TTBK2: variants seen among roughly 807,000 people sequenced by gnomAD.
TTBK2 encodes the protein tau-tubulin kinase 2.
A neutral mutation model predicts 110.8 loss-of-function variants in TTBK2; 28 were observed. The ratio of observed to expected loss-of-function variants is 0.25; its 90% CI spans 0.19 to 0.35. TTBK2 has a LOEUF of 0.35. Among genes scored for constraint, TTBK2 ranks in the 10% least tolerant of loss-of-function variants. The pLI is 1.00. For missense variants in TTBK2, 1,369 were observed against 1,500.3 expected (o/e 0.91, Z 1.45); for synonymous variants, 532 against 527.3 (o/e 1.01, Z -0.12).
At chr15:42,877,161 G>A (rs996595224) in intron 2 of TTBK2, among the ~76,000 whole-genome samples, 15 of 152,164 alleles carry the variant, frequency 9.9e-5, no homozygotes, top group Non-Finnish European at 2.1e-4. Context: ...AATGAATTAT[G>A]GAATATCACC....
intron 6 of TTBK2, among the ~76,000 whole-genome samples, chr15:42,818,967 C>G (rs945719755): frequency 6.6e-6 from 1 of 150,732 alleles, no homozygotes; most frequent in African/African-American, 2.4e-5. Context: ...AACATTGTCT[C>G]CATTCTACTG....
At chr15:42,851,679 T>C (rs1893719271) in intron 3 of TTBK2, among the ~76,000 whole-genome samples, 1 of 152,092 alleles carries the variant, frequency 6.6e-6, no homozygotes, top group African/African-American at 2.4e-5. Context: ...TATGATTTTC[T>C]ATATGTGTGC....
chr15:42,894,514 G>T (rs1895588870), intron 1 of TTBK2, among the ~76,000 whole-genome samples: 1 of 152,170 alleles, frequency 6.6e-6, no homozygotes, highest in Non-Finnish European at 1.5e-5. Context: ...TACTGTGGGA[G>T]GCGAAGGCGG....
chr15:42,842,806 A>G (rs2141021419), intron 3 of TTBK2, among the ~76,000 whole-genome samples: 1 of 152,032 alleles, frequency 6.6e-6, no homozygotes, highest in Non-Finnish European at 1.5e-5. Context: ...GTTTTTGTTT[A>G]TAAAGGGGGT....
intron 10 of TTBK2, among the ~76,000 whole-genome samples, chr15:42,785,025 G>A (rs775146183): frequency 2.9e-4 from 44 of 151,744 alleles, no homozygotes; most frequent in Non-Finnish European, 8.8e-5. Flanking sequence ...ATCAACTTTC[G>A]CAGTGCCATA....
chr15:42,850,513 AG>A (rs1216563588), intron 3 of TTBK2, among the ~76,000 whole-genome samples: 1 of 152,198 alleles, frequency 6.6e-6, no homozygotes, highest in Non-Finnish European at 1.5e-5. Context: ...AGCTGCATTC[AG>A]TGGGAGAGAC....
chr15:42,776,462 G>A (rs998881288), intron 12 of TTBK2, among the ~76,000 whole-genome samples: 1 of 152,146 alleles, frequency 6.6e-6, no homozygotes, highest in African/African-American at 2.4e-5. Context: ...CTTTACCTAT[G>A]TATATAGATC....
At chr15:42,916,972 G>T (rs2031113878) in intron 1 of TTBK2, among the ~76,000 whole-genome samples, 1 of 152,056 alleles carries the variant, frequency 6.6e-6, no homozygotes, top group Non-Finnish European at 1.5e-5. Context: ...TTTCAATAAA[G>T]ATGTTAATTC....
In TTBK2 at chr15:42,794,636, G is replaced by T. The variant is rs143836514; in HGVS notation, c.980+8C>A. ...AAGACACCACCAAATGATCTGTTTA[G>T]GACATACCCAATTGCAGCAGGGGTC... On this transcript the variant is annotated splice_region_variant and intron_variant, in intron 10 of 14. Coordinates refer to ENST00000267890, the MANE Select transcript of TTBK2 (RefSeq NM_173500.4). The T allele has an allele frequency of 8.6e-4, 1,395 of 1,614,118 alleles. 3 individuals carry two copies. In the African/African-American group the frequency reaches 0.015, roughly 17 times the overall value.
In TTBK2 at chr15:42,872,588, TG is replaced by T. The variant is rs759917736; in HGVS notation, c.217+22del. On this transcript the variant is annotated intron_variant, in intron 3 of 14. Coordinates refer to ENST00000267890, the MANE Select transcript of TTBK2 (RefSeq NM_173500.4). Reference sequence around the variant, plus strand: ...ATAAATTAACATACAAATCATAAATTGTATATTCTACAAAGGGCTTACCTTG... The same window carrying T: ...ATAAATTAACATACAAATCATAAATTTATATTCTACAAAGGGCTTACCTTG... The T allele has an allele frequency of 5.1e-5, 82 of 1,612,152 alleles. No individual in the cohort carries two copies. In the African/African-American group the frequency reaches 1.0e-3, roughly 20 times the overall value.
At chr15:42,861,357 T>C (rs1031212729) in intron 3 of TTBK2, among the ~76,000 whole-genome samples, 1 of 152,170 alleles carries the variant, frequency 6.6e-6, no homozygotes, top group African/African-American at 2.4e-5. Flanking sequence ...TGCTAGGTCA[T>C]ACAGCAAGTC....
Position 42,783,548 on chromosome 15 carries a change from T to C in TTBK2, c.1068A>G (p.Glu356=), listed in dbSNP as rs1346210234. 2 of 1,614,182 alleles carry C rather than the reference T, an allele frequency of 1.2e-6. No individual in the cohort carries two copies. The highest frequency in any genetic ancestry group is 2.2e-5 in the South Asian group (2 of 91,082). The change falls in exon 11 of 15, where the codon GAA becomes GAG. Residue 356 remains glutamate, a synonymous_variant. Transcript: ENST00000267890. ...VFPDEQLSDG[E]NGIPVGVSPD... ...GTGACACACCAACAGGGATGCCATT[T>C]TCTCCATCGCTAAGCTGTTCATCTG...
intron 14 of TTBK2, among the ~76,000 whole-genome samples, chr15:42,749,129 T>C (rs376090145): frequency 7.9e-5 from 12 of 152,216 alleles, no homozygotes; most frequent in Non-Finnish European, 1.0e-4. Flanking sequence ...TCCTAGATGA[T>C]TGTGGCTTTG....
At chr15:42,782,521 A>T (rs930177125) in intron 11 of TTBK2, among the ~76,000 whole-genome samples, 24 of 152,248 alleles carry the variant, frequency 1.6e-4, no homozygotes, top group African/African-American at 5.8e-4. Context: ...GTGCAGCTAC[A>T]TATCTACCCA....
intron 9 of TTBK2, among the ~76,000 whole-genome samples, chr15:42,806,247 G>C (rs1355137568): frequency 6.6e-6 from 1 of 152,190 alleles, no homozygotes; most frequent in Non-Finnish European, 1.5e-5. Flanking sequence ...CTGGGCAACA[G>C]AGCAAGACTA....
chr15:42,798,386 T>C (rs1336535242), intron 9 of TTBK2: 1 of 431,130 alleles, frequency 2.3e-6, no homozygotes, highest in Admixed American at 2.6e-5. Context: ...CTAGTATACA[T>C]CTGACTCCTT....
At position 42,777,049 on chromosome 15, in the gene TTBK2, T is replaced by C; in HGVS notation, c.1391A>G (p.Asp464Gly). 1 of 1,614,090 alleles carries C rather than the reference T, an allele frequency of 6.2e-7. No individual in the cohort carries two copies. The highest frequency in any genetic ancestry group is 8.5e-7 in the Non-Finnish European group (1 of 1,179,960). Reference sequence around the variant, plus strand: ...TTTATACCAGGTCTCAAGGAACTTGTCAGTGTCTGGCTTTGGCTCCAGGGT... The same window carrying C: ...TTTATACCAGGTCTCAAGGAACTTGCCAGTGTCTGGCTTTGGCTCCAGGGT... ...RLTLEPKPDT[D>G]KFLETCLEKM... Residue 464 changes from aspartate (D) to glycine (G), a missense_variant, in exon 12 of 15, where the codon GAC (aspartate) becomes GGC (glycine). Physicochemically the swap from Asp to Gly is moderately conservative, Grantham distance 94. Transcript: ENST00000267890.
intron 4 of TTBK2, among the ~76,000 whole-genome samples, chr15:42,838,514 C>G (rs569606392): frequency 6.6e-6 from 1 of 152,100 alleles, no homozygotes; most frequent in East Asian, 1.9e-4. Flanking sequence ...ACTCCACTAC[C>G]ATCTAAAGAA....
At chr15:42,840,332 TTAAAG>T in intron 4 of TTBK2, 23 bp downstream of exon 4, 2 of 1,594,980 alleles carry the variant, frequency 1.3e-6, no homozygotes, top group South Asian at 2.2e-5. Flanking sequence ...ACTGAAGAAT[TTAAAG>T]ATACGTTTTC....
Sources: gnomAD v4.1 joint callset for allele counts (sites outside exome capture counted in the v4.1 genomes callset) on GRCh38, gnomAD v4.1.1 for gene constraint, MANE v1.5 for transcripts, NCBI Gene and HGNC (gene_info 2026-07-23, HGNC 2026-07-21) for gene names.